Variants in ADAMTSL1 observed in about 807,000 individuals in gnomAD.
ADAMTSL1 encodes ADAMTS like 1, also known as ADAMTS-like protein 1.
ADAMTSL1 carries 126 observed loss-of-function variants against 201.8 expected under a neutral mutation model. The observed-to-expected ratio is 0.62, with a 90% CI of 0.54 to 0.72. ADAMTSL1 has a LOEUF of 0.72. Among genes scored for constraint, ADAMTSL1 ranks in the 30% least tolerant of loss-of-function variants. The pLI, the probability that ADAMTSL1 is intolerant of heterozygous loss-of-function variation, is 0.00. For synonymous variants in ADAMTSL1, 1,121 were observed against 903.4 expected (o/e 1.24, Z -4.32); for missense variants, 2,679 against 2,277.8 (o/e 1.18, Z -3.59).
intron 2 of ADAMTSL1, among the ~76,000 whole-genome samples, chr9:18,251,410 C>G (rs1261898689): frequency 1.3e-5 from 2 of 152,048 alleles, no homozygotes; most frequent in African/African-American, 2.4e-5. Context: ...ACTTTCTAAA[C>G]TTCAAAAGGA....
At chr9:18,539,580 G>C (rs1194445547) in intron 3 of ADAMTSL1, among the ~76,000 whole-genome samples, 1 of 152,188 alleles carries the variant, frequency 6.6e-6, no homozygotes, top group Non-Finnish European at 1.5e-5. Flanking sequence ...TGAACTATTT[G>C]ATCATGCTGT....
chr9:18,522,568 C>T (rs79541594), intron 2 of ADAMTSL1, among the ~76,000 whole-genome samples: 1,759 of 151,264 alleles, frequency 0.012, 50 homozygotes, highest in African/African-American at 0.041. Context: ...TTAAGTATAT[C>T]CCCTAATGCT....
intron 23 of ADAMTSL1, among the ~76,000 whole-genome samples, chr9:18,876,306 G>GTGTGTA (rs1419349264): frequency 1.3e-5 from 2 of 149,928 alleles, no homozygotes; most frequent in South Asian, 2.2e-4. Flanking sequence ...GAATACGTGT[G>GTGTGTA]TGTGTGTGTG....
intron 23 of ADAMTSL1, among the ~76,000 whole-genome samples, chr9:18,841,421 C>T (rs571056114): frequency 1.3e-5 from 2 of 152,252 alleles, no homozygotes; most frequent in Non-Finnish European, 2.9e-5. Flanking sequence ...TTTTGATGTG[C>T]TGCTGGATTC....
In ADAMTSL1 at chr9:18,244,457, C is replaced by T. The variant is rs573649702; in HGVS notation, c.207+80476C>T. 2.0e-5 allele frequency among the ~76,000 whole-genome samples: 3 copies of T among 152,164 alleles called. No homozygotes were observed. The South Asian group carries it at 6.2e-4, about 32-fold the overall frequency. ...TCCAGAATTTTCACATTTTTCATCC[C>T]ACACCCCATGTACTTCTCCAGTCTT... On this transcript the variant is annotated intron_variant, in intron 2 of 29. Coordinates refer to the ADAMTSL1 transcript ENST00000680146.
intron 23 of ADAMTSL1, among the ~76,000 whole-genome samples, chr9:18,886,546 A>C (rs1372846121): frequency 6.6e-6 from 1 of 152,204 alleles, no homozygotes; most frequent in Non-Finnish European, 1.5e-5. Flanking sequence ...TGTTTTTTAC[A>C]GTTCTGGAGT....
chr9:18,728,284 C>A (rs1818017729), intron 15 of ADAMTSL1, among the ~76,000 whole-genome samples: 1 of 152,096 alleles, frequency 6.6e-6, no homozygotes, highest in Non-Finnish European at 1.5e-5. Flanking sequence ...AAAATCCATG[C>A]AATTACATCC....
rs73644670 is a variant in ADAMTSL1, at chr9:18,800,906, C to T, written c.3805+5382C>T. ...CACTTCTGGCCTTATTCTACTTAGA[C>T]GCCATCAACATCAATTAAATAATTA... On this transcript the variant is annotated intron_variant, in intron 20 of 28. Transcript: ENST00000380548. Among the ~76,000 whole-genome samples, 17 of 152,192 alleles carry T rather than the reference C, an allele frequency of 1.1e-4. No individual in the cohort carries two copies. The South Asian group carries it at 2.3e-3, about 20-fold the overall frequency.
intron 25 of ADAMTSL1, among the ~76,000 whole-genome samples, chr9:18,892,034 AC>A (rs1829308103): frequency 6.6e-6 from 1 of 152,022 alleles, no homozygotes; most frequent in African/African-American, 2.4e-5. Context: ...TGGCCACATC[AC>A]TCCACATTCA....
intron 1 of ADAMTSL1, among the ~76,000 whole-genome samples, chr9:18,497,235 G>T (rs78439373): frequency 6.6e-6 from 1 of 152,134 alleles, no homozygotes; most frequent in African/African-American, 2.4e-5. Context: ...TATAGTCCAG[G>T]GGCCAGGAAG....
chr9:18,194,218 A>C (rs1297755488), intron 2 of ADAMTSL1, among the ~76,000 whole-genome samples: 2 of 152,152 alleles, frequency 1.3e-5, no homozygotes, highest in Non-Finnish European at 2.9e-5. Context: ...GGGGGAGAAA[A>C]AAGCATATTA....
intron 1 of ADAMTSL1, among the ~76,000 whole-genome samples, chr9:18,102,748 A>G (rs1360961225): frequency 6.6e-6 from 1 of 152,224 alleles, no homozygotes; most frequent in Admixed American, 6.5e-5. Flanking sequence ...AGTTACAGAG[A>G]TTAGTCTAGA....
intron 1 of ADAMTSL1, among the ~76,000 whole-genome samples, chr9:18,047,823 G>A (rs2131655614): frequency 6.6e-6 from 1 of 152,304 alleles, no homozygotes; most frequent in South Asian, 2.1e-4. Flanking sequence ...CTTGGTCTGG[G>A]GAAAAAGATG....
intron 2 of ADAMTSL1, among the ~76,000 whole-genome samples, chr9:18,188,676 G>A (rs1828843647): frequency 6.6e-6 from 1 of 152,156 alleles, no homozygotes; most frequent in Non-Finnish European, 1.5e-5. Flanking sequence ...GCAGCAAACT[G>A]CCGGGGATAT....
chr9:18,280,324 C>T (rs1832736767), intron 2 of ADAMTSL1, among the ~76,000 whole-genome samples: 1 of 151,650 alleles, frequency 6.6e-6, no homozygotes, highest in Non-Finnish European at 1.5e-5. Context: ...GAACCTAGGG[C>T]CTAAGGGGGT....
intron 2 of ADAMTSL1, among the ~76,000 whole-genome samples, chr9:18,201,459 T>A (rs188092307): frequency 6.6e-6 from 1 of 152,264 alleles, no homozygotes; most frequent in East Asian, 1.9e-4. Flanking sequence ...TAATAAGAGT[T>A]AACTTGGATT....
chr9:18,506,901 C>G (rs1202373102), intron 2 of ADAMTSL1, among the ~76,000 whole-genome samples: 1 of 152,010 alleles, frequency 6.6e-6, no homozygotes, highest in Non-Finnish European at 1.5e-5. Context: ...CCAAATCCAA[C>G]AAGAATATAA....
At chr9:18,566,144 A>T (rs959398073) in intron 3 of ADAMTSL1, among the ~76,000 whole-genome samples, 1 of 151,990 alleles carries the variant, frequency 6.6e-6, no homozygotes, top group African/African-American at 2.4e-5. Flanking sequence ...ATTCTCGTAA[A>T]TTTTTTTTGA....
At chr9:18,767,030 A>T (rs2133696707) in intron 16 of ADAMTSL1, among the ~76,000 whole-genome samples, 1 of 152,290 alleles carries the variant, frequency 6.6e-6, no homozygotes, top group South Asian at 2.1e-4. Context: ...AGGGTGGTAA[A>T]AAAAAGGAAA....
Sources: gnomAD v4.1 joint callset for allele counts (sites outside exome capture counted in the v4.1 genomes callset) on GRCh38, gnomAD v4.1.1 for gene constraint, MANE v1.5 for transcripts, NCBI Gene and HGNC (gene_info 2026-07-23, HGNC 2026-07-21) for gene names.